The following PRORP variants were observed in gnomAD, a reference collection of about 807,000 sequenced individuals.
PRORP encodes protein only RNase P catalytic subunit.
Under a neutral mutation model 59.4 loss-of-function variants are expected in PRORP, and 51 were observed. The observed-to-expected ratio is 0.86, with a 90% CI of 0.69 to 1.08. The LOEUF (loss-of-function observed/expected upper bound fraction) is 1.08. PRORP is among the 50% of genes least tolerant of loss of function. The pLI is 0.00. For synonymous variants in PRORP, 231 were observed against 245.6 expected, an observed-to-expected ratio of 0.94 and a Z score of 0.55; for missense variants, 646 against 690.3, an observed-to-expected ratio of 0.94 and a Z score of 0.72.
chr14:35,272,497 G>A (rs1408252634), intron 7 of PRORP, among the ~76,000 whole-genome samples: 3 of 152,068 alleles, frequency 2.0e-5, no homozygotes, highest in Admixed American at 1.3e-4. Context: ...TATAGTAAAT[G>A]TGGTATTAAA....
intron 5 of PRORP, among the ~76,000 whole-genome samples, chr14:35,183,146 TATAG>T (rs1463500937): frequency 2.0e-5 from 3 of 152,112 alleles, no homozygotes; most frequent in Non-Finnish European, 4.4e-5. Flanking sequence ...ATTATCCATG[TATAG>T]ATAAATGTTT....
chr14:35,148,092 A>G (rs183679083), intron 4 of PRORP, among the ~76,000 whole-genome samples: 13 of 152,268 alleles, frequency 8.5e-5, no homozygotes, highest in African/African-American at 2.9e-4. Context: ...ACTTCTTCCA[A>G]ACCTGTTACT....
intron 5 of PRORP, among the ~76,000 whole-genome samples, chr14:35,253,964 A>G (rs948732445): frequency 6.6e-6 from 1 of 150,758 alleles, no homozygotes; most frequent in Non-Finnish European, 1.5e-5. Flanking sequence ...CTGCCATTGC[A>G]TGTTCCCTGA....
intron 5 of PRORP, among the ~76,000 whole-genome samples, chr14:35,200,767 A>G (rs2049127911): frequency 6.6e-6 from 1 of 152,008 alleles, no homozygotes; most frequent in Admixed American, 6.6e-5. Context: ...TAGAGTTCTC[A>G]TATACCCCAC....
At chr14:35,235,661 A>G (rs924518647) in intron 5 of PRORP, 4 of 412,466 alleles carry the variant, frequency 9.7e-6, no homozygotes, top group African/African-American at 8.3e-5. Flanking sequence ...TTGGGAAGCT[A>G]ATATTTTTTA....
At chr14:35,201,060 A>G (rs796372517) in intron 5 of PRORP, among the ~76,000 whole-genome samples, 11 of 152,272 alleles carry the variant, frequency 7.2e-5, no homozygotes, top group Admixed American at 2.0e-4. Context: ...ATGTCCCTCA[A>G]TTGGGATTTT....
intron 4 of PRORP, among the ~76,000 whole-genome samples, chr14:35,155,411 TGA>T (rs1278036012): frequency 6.6e-6 from 1 of 152,016 alleles, no homozygotes; most frequent in Non-Finnish European, 1.5e-5. Flanking sequence ...ATTTTCATCT[TGA>T]AAATCTTTTT....
At position 35,256,081 on chromosome 14, in the gene PRORP, T is replaced by G. The variant is rs547130345; in HGVS notation, c.1276-10646T>G. Among the ~76,000 whole-genome samples the G allele has an allele frequency of 1.7e-4, 26 of 151,632 alleles. No homozygotes were observed. In the East Asian group the frequency reaches 4.0e-3, roughly 23 times the overall value. On this transcript the variant is annotated intron_variant, in intron 5 of 7. Coordinates refer to ENST00000534898, the MANE Select transcript of PRORP (RefSeq NM_014672.4). The stretch of plus-strand genomic sequence containing the variant: ...AGGGCGGATCACGAGGTCAGGAGTT[T>G]GAGACCAGCCTGGCCAACATGGTGA...
rs1023266679 is a variant in PRORP at position 35,273,703 on chromosome 14, T to G, written c.*137T>G. On this transcript the variant is annotated 3_prime_UTR_variant, in exon 8 of 8. Coordinates refer to ENST00000534898, the MANE Select transcript of PRORP (RefSeq NM_014672.4). ...TTCTATTAACAGCATTGACATTGAT[T>G]TTTTAATGAAATGAGATATATCTTT... 2 of 725,670 alleles carry G rather than the reference T, an allele frequency of 2.8e-6. No homozygotes were observed. The highest frequency in any genetic ancestry group is 1.8e-5 in the African/African-American group (1 of 54,596). 45.0% of individuals were successfully genotyped at this position (725,670 alleles called of 1,614,324 possible).
intron 4 of PRORP, among the ~76,000 whole-genome samples, chr14:35,138,187 A>G (rs1222586907): frequency 6.9e-6 from 1 of 144,890 alleles, no homozygotes; most frequent in Non-Finnish European, 1.5e-5. Flanking sequence ...GTATGTACAA[A>G]TTTCCTCTTA....
chr14:35,126,701 C>A, intron 2 of PRORP, 34 bp from the exon 3 acceptor site: 3 of 1,543,378 alleles, frequency 1.9e-6, no homozygotes, highest in Non-Finnish European at 8.9e-7. Flanking sequence ...GGAATCTAAC[C>A]TTCTCATGAT....
intron 5 of PRORP, among the ~76,000 whole-genome samples, chr14:35,211,382 C>A: frequency 6.6e-6 from 1 of 152,110 alleles, no homozygotes; most frequent in East Asian, 1.9e-4. Context: ...TGCTATATTC[C>A]CAGCACCTAA....
At chr14:35,209,912 T>G (rs1436261452) in intron 5 of PRORP, among the ~76,000 whole-genome samples, 2 of 152,332 alleles carry the variant, frequency 1.3e-5, no homozygotes, top group East Asian at 3.9e-4. Flanking sequence ...ATTACTTGTC[T>G]TCTATCCTTC....
At chr14:35,146,490 C>G (rs190170148) in intron 4 of PRORP, among the ~76,000 whole-genome samples, 60 of 152,036 alleles carry the variant, frequency 3.9e-4, no homozygotes, top group African/African-American at 1.3e-3. Flanking sequence ...GAACTGAGCT[C>G]TTTATCACAG....
At chr14:35,223,975 A>G (rs2049865678) in intron 5 of PRORP, among the ~76,000 whole-genome samples, 1 of 152,182 alleles carries the variant, frequency 6.6e-6, no homozygotes, top group Non-Finnish European at 1.5e-5. Flanking sequence ...TTCAAACTCT[A>G]TCCCATCACT....
chr14:35,169,547 C>T (rs2415268), intron 4 of PRORP, among the ~76,000 whole-genome samples: 61,066 of 152,028 alleles, frequency 0.4, 12,764 homozygotes, highest in East Asian at 0.68. Context: ...ATGTCTTACA[C>T]GGCAGCAGGC....
At chr14:35,226,502 G>A (rs1283311650) in intron 5 of PRORP, among the ~76,000 whole-genome samples, 1 of 152,132 alleles carries the variant, frequency 6.6e-6, no homozygotes, top group East Asian at 1.9e-4. Context: ...TTGGAGAGTG[G>A]AAAAGGGGCT....
At chr14:35,195,025 A>G (rs1378292294) in intron 5 of PRORP, among the ~76,000 whole-genome samples, 7 of 152,132 alleles carry the variant, frequency 4.6e-5, no homozygotes, top group African/African-American at 1.4e-4. Context: ...ATTTATATGA[A>G]ACTTATATTT....
chr14:35,170,009 T>G (rs1297816405), intron 4 of PRORP, among the ~76,000 whole-genome samples: 1 of 152,248 alleles, frequency 6.6e-6, no homozygotes. Context: ...TCTATTGTTA[T>G]TTATGATATG....
Sources: gnomAD v4.1 joint callset for allele counts (sites outside exome capture counted in the v4.1 genomes callset) on GRCh38, gnomAD v4.1.1 for gene constraint, MANE v1.5 for transcripts, NCBI Gene and HGNC (gene_info 2026-07-23, HGNC 2026-07-21) for gene names.